The following DSP variants were observed in gnomAD, a reference collection of about 807,000 sequenced individuals.
DSP encodes the protein 250/210 kDa paraneoplastic pemphigus antigen.
Under a neutral mutation model 290.6 loss-of-function variants are expected in DSP, and 114 were observed. The observed-to-expected ratio is 0.39, with a 90% CI of 0.34 to 0.46. The LOEUF (loss-of-function observed/expected upper bound fraction) is 0.46. Among genes scored for constraint, DSP ranks in the 20% least tolerant of loss-of-function variants. The pLI is 0.99. For missense variants in DSP, 3,230 were observed against 3,495.8 expected (o/e 0.92, Z 1.92); for synonymous variants, 1,311 against 1,316.4 (o/e 1.00, Z 0.09).
Position 7,584,635 on chromosome 6 carries a change from A to G in DSP, c.7373A>G (p.Lys2458Arg). ...EKKKQVQTSQKNTLRKRRVVI... is the reference protein window; with the variant it reads ...EKKKQVQTSQRNTLRKRRVVI... The stretch of plus-strand genomic sequence containing the variant: ...AAGAAACAGGTGCAGACATCACAAA[A>G]GAATACCCTCAGGAAGCGTAGAGTG... Residue 2458 changes from lysine to arginine, a missense_variant, in exon 24 of 24, where the codon AAG becomes AGG. Around this residue, in one of 5 missense-constraint regions of DSP, gnomAD observed 582 missense variants for 555.4 expected, o/e 1.05. Transcript: ENST00000379802. The surrounding 1 kb of genome is among the most constrained non-coding windows in gnomAD (Gnocchi z 6.4). The G allele has an allele frequency of 1.9e-6, 3 of 1,614,194 alleles. No individual in the cohort carries two copies. The highest frequency in any genetic ancestry group is 2.5e-6 in the Non-Finnish European group (3 of 1,180,032).
chr6:7,579,771 A>C lies in DSP; in HGVS notation c.3581A>C (p.Lys1194Thr). 6.2e-7 allele frequency: 1 copy of C among 1,613,970 alleles called. No individual in the cohort carries two copies. The highest frequency in any genetic ancestry group is 8.5e-7 in the Non-Finnish European group (1 of 1,179,924). Residue 1194 changes from lysine (K) to threonine (T), a missense_variant, in exon 23 of 24, where the codon AAG (lysine) becomes ACG (threonine). This residue lies in a region of DSP where 1,714 missense variants were observed against 1,844.5 expected (regional missense o/e 0.93). Coordinates refer to ENST00000379802, the MANE Select transcript of DSP (RefSeq NM_004415.4). This position sits in a 1 kb window ranked among gnomAD's most constrained non-coding sequence, Gnocchi z 4.1. ...RKREYENELA[K>T]VRNHYNEEMS... ...AGAGAATATGAAAATGAGCTGGCAA[A>C]GGTAAGAAACCACTATAATGAGGAG...
intron 1 of DSP, among the ~76,000 whole-genome samples, chr6:7,555,515 C>A (rs1258287084): frequency 6.6e-6 from 1 of 151,998 alleles, no homozygotes. Flanking sequence ...ATAATATATA[C>A]ACACAGATAA....
At chr6:7,554,125 A>ACACACACACACACACACACC (rs772041102) in intron 1 of DSP, among the ~76,000 whole-genome samples, 1,748 of 144,018 alleles carry the variant, frequency 0.012, 24 homozygotes, top group African/African-American at 0.016. Context: ...ACACACACAC[A>ACACACACACACACACACACC]CCCAGTTGGT....
chr6:7,565,629 A>G lies in DSP; in HGVS notation c.939+109A>G. The G allele has an allele frequency of 7.1e-7, 1 of 1,415,378 alleles. No homozygotes were observed. The highest frequency in any genetic ancestry group is 9.8e-7 in the Non-Finnish European group (1 of 1,017,118). The allele number at this position is 1,415,378 out of a possible 1,614,324, so 87.7% of individuals were successfully genotyped here. On this transcript the variant is annotated intron_variant, in intron 7 of 23. Transcript: ENST00000379802. This position sits in a 1 kb window ranked among gnomAD's most constrained non-coding sequence, Gnocchi z 4.2. Reference sequence around the variant, plus strand: ...TTAATAATTTAATCAGCCACTTGCAATTCAGCCTTCTTTGAAATGGTCGTG... The same window carrying G: ...TTAATAATTTAATCAGCCACTTGCAGTTCAGCCTTCTTTGAAATGGTCGTG...
At chr6:7,543,446 GTTCT>G (rs2113633772) in intron 1 of DSP, among the ~76,000 whole-genome samples, 1 of 121,112 alleles carries the variant, frequency 8.3e-6, no homozygotes, top group African/African-American at 3.1e-5. Context: ...CAATCTTGGA[GTTCT>G]TTGTTTCCTG....
Position 7,559,706 on chromosome 6 carries a change from G to A in DSP, c.597+306G>A, listed in dbSNP as rs75575528. 0.012 allele frequency among the ~76,000 whole-genome samples: 1,897 copies of A among 152,114 alleles called. 34 individuals carry two copies. Among genetic ancestry groups the A allele is most frequent in the African/African-American group, 0.041 (1,700 of 41,524 alleles). On this transcript the variant is annotated intron_variant, in intron 4 of 23. Transcript: ENST00000379802. ...ATATCCAGTTCTTATATTGACCACC[G>A]GAAAGATCTGTTGTGGGAGTTTATG...
In DSP at chr6:7,586,301, G is replaced by T. The variant is rs1409231812; in HGVS notation, c.*423G>T. On this transcript the variant is annotated 3_prime_UTR_variant, in exon 24 of 24. Coordinates refer to ENST00000379802, the MANE Select transcript of DSP (RefSeq NM_004415.4). Reference sequence around the variant, plus strand: ...AATATTTCCATATTCTGTATTAGGAGAAAATTACCCTCCCAGCACCAGCCC... The same window carrying T: ...AATATTTCCATATTCTGTATTAGGATAAAATTACCCTCCCAGCACCAGCCC... 5.5e-6 allele frequency: 1 copy of T among 180,462 alleles called. No homozygotes were observed. Among genetic ancestry groups the T allele is most frequent in the African/African-American group, 2.4e-5 (1 of 41,564 alleles). 11.2% of individuals were successfully genotyped at this position (180,462 alleles called of 1,614,324 possible). A position where few individuals can be genotyped will look rare whatever the true frequency, so the allele number is the denominator to read the frequency against.
chr6:7,560,581 C>T (rs1042945029), intron 4 of DSP, among the ~76,000 whole-genome samples: 3 of 152,142 alleles, frequency 2.0e-5, no homozygotes, highest in African/African-American at 7.2e-5. Context: ...TGAATGTTAT[C>T]GAAGAAAACA....
chr6:7,575,510 C>T (rs1340603748), intron 18 of DSP, 22 bp downstream of exon 18: 1 of 1,613,762 alleles, frequency 6.2e-7, no homozygotes, highest in East Asian at 2.2e-5. Context: ...TCCTCCCGCT[C>T]CTTCCCCATC....
intron 1 of DSP, among the ~76,000 whole-genome samples, chr6:7,552,015 C>G (rs1341708555): frequency 6.6e-6 from 1 of 152,136 alleles, no homozygotes; most frequent in Admixed American, 6.5e-5. Context: ...AGAAGTAGAC[C>G]TTGTTTTAAG....
Position 7,586,453 on chromosome 6 carries a change from A to G in DSP, c.*575A>G, listed in dbSNP as rs1252466343. On this transcript the variant is annotated 3_prime_UTR_variant, in exon 24 of 24. Transcript: ENST00000379802. ...TGGTTTGGTATTAATTTGACTGTGC[A>G]TGACAGCGGCAATCTTTTCTTTGGT... 3 of 152,464 alleles carry G rather than the reference A, an allele frequency of 2.0e-5. No individual in the cohort carries two copies. The highest frequency in any genetic ancestry group is 3.9e-4 in the East Asian group (2 of 5,192). The allele number at this position is 152,464 out of a possible 1,614,324, so 9.4% of individuals were successfully genotyped here. A position where few individuals can be genotyped will look rare whatever the true frequency, so the allele number is the denominator to read the frequency against.
At chr6:7,542,511 T>G (rs991229525) in intron 1 of DSP, among the ~76,000 whole-genome samples, 2 of 152,166 alleles carry the variant, frequency 1.3e-5, no homozygotes, top group African/African-American at 4.8e-5. Flanking sequence ...CCCGGTCCTG[T>G]CTGGTGGCCG....
rs376983987 is a variant in DSP at position 7,568,583 on chromosome 6, A to G, written c.1413A>G (p.Gln471=). The change falls in exon 11 of 24, where the codon CAA becomes CAG. Residue 471 remains glutamine (Q), a synonymous_variant. Transcript: ENST00000379802. Reference sequence around the variant, plus strand: ...TCAGAGCTCTCTGTGACTACAAACAAGATCAGGTGTGTACTCATTTAGAAT... The same window carrying G: ...TCAGAGCTCTCTGTGACTACAAACAGGATCAGGTGTGTACTCATTTAGAAT... ...IILRALCDYK[Q]DQKIVHKGDE... is the part of the protein sequence containing the mutation. 4.2e-5 allele frequency: 68 copies of G among 1,613,800 alleles called. No homozygotes were observed. The highest frequency in any genetic ancestry group is 5.3e-5 in the Non-Finnish European group (63 of 1,180,016).
Position 7,585,758 on chromosome 6 carries a change from A to C in DSP, c.8496A>C (p.Gly2832=), listed in dbSNP as rs760011967. The C allele has an allele frequency of 1.3e-5, 21 of 1,607,996 alleles. 1 individual carries two copies. In the South Asian group the frequency reaches 2.2e-4, roughly 17 times the overall value. Residue 2832 remains glycine, a synonymous_variant, in exon 24 of 24, where the codon GGA becomes GGC. Coordinates refer to ENST00000379802, the MANE Select transcript of DSP (RefSeq NM_004415.4). ...GGTCCCGCTCCGGCTCCCGCTCGGG[A>C]TCTCGCTCCGGATCTCGCTCCGGGT... ...APGSRSGSRS[G]SRSGSRSGSR... is the part of the protein sequence containing the mutation.
chr6:7,542,056 G>C lies in DSP; in HGVS notation c.141G>C (p.Val47=), dbSNP rs2113629091. 1 of 1,570,432 alleles carries C rather than the reference G, an allele frequency of 6.4e-7. No homozygotes were observed. Among genetic ancestry groups the C allele is most frequent in the Middle Eastern group, 1.7e-4 (1 of 6,016 alleles). The change falls in exon 1 of 24, where the codon GTG becomes GTC. Residue 47 remains valine, a synonymous_variant. Coordinates refer to ENST00000379802, the MANE Select transcript of DSP (RefSeq NM_004415.4). ...TSRMYYSRRG[V]ITDQNSDGYC... is the part of the protein sequence containing the mutation. ...GGATGTACTATTCTCGGCGCGGCGT[G>C]ATCACCGACCAGAACTCGGACGGCT...
In DSP at chr6:7,541,885, C is replaced by T. The variant is rs758419247; in HGVS notation, c.-31C>T. 1.9e-6 allele frequency: 3 copies of T among 1,596,976 alleles called. No homozygotes were observed. The highest frequency in any genetic ancestry group is 1.1e-5 in the South Asian group (1 of 88,584). ...CCGGCCCGCCTCGCTTATGCCTCGG[C>T]GCTGAGCCGCTCTCCCGATTGCCCG... On this transcript the variant is annotated 5_prime_UTR_variant, in exon 1 of 24. Coordinates refer to ENST00000379802, the MANE Select transcript of DSP (RefSeq NM_004415.4).
At position 7,580,979 on chromosome 6, in the gene DSP, G is replaced by C. The variant is rs1259613160; in HGVS notation, c.4789G>C (p.Glu1597Gln). ...DSCKRKKLEEELEGMRRSLKE... is the reference protein window; with the variant it reads ...DSCKRKKLEEQLEGMRRSLKE... ...CTGCAAGAGGAAGAAGCTGGAGGAA[G>C]AGCTGGAAGGCATGAGGAGGTCGCT... is the stretch of plus-strand genomic sequence containing the variant. The change falls in exon 23 of 24, where the codon GAG (glutamate) becomes CAG (glutamine). Residue 1597 changes from glutamate (E) to glutamine (Q), a missense_variant. Physicochemically the swap from Glu to Gln is conservative, Grantham distance 29. Around this residue, in one of 5 missense-constraint regions of DSP, gnomAD observed 1,714 missense variants for 1,844.5 expected, o/e 0.93. Coordinates refer to ENST00000379802, the MANE Select transcript of DSP (RefSeq NM_004415.4). This position sits in a 1 kb window ranked among gnomAD's most constrained non-coding sequence, Gnocchi z 4.2. The C allele has an allele frequency of 6.2e-6, 10 of 1,613,982 alleles. No homozygotes were observed. In the Admixed American group the frequency reaches 1.7e-4, roughly 27 times the overall value.
rs1758601354 is a variant in DSP, at chr6:7,559,254, G to T, written c.451G>T (p.Ala151Ser). 6.2e-7 allele frequency: 1 copy of T among 1,614,004 alleles called. No homozygotes were observed. Among genetic ancestry groups the T allele is most frequent in the Non-Finnish European group, 8.5e-7 (1 of 1,180,028 alleles). Residue 151 changes from alanine (A) to serine (S), a missense_variant, in exon 4 of 24, where the codon GCC becomes TCC. Ala to Ser is a moderately conservative substitution (Grantham distance 99). This residue lies in a region of DSP where 646 missense variants were observed against 684.3 expected (regional missense o/e 0.94). Transcript: ENST00000379802. ...TCTTCAGCTCCAAGAGCAAATGCGA[G>T]CCCTTTATAAAGCCATCAGTGTCCC... is the stretch of plus-strand genomic sequence containing the variant. The part of the protein sequence containing the change: ...RLLQLQEQMR[A>S]LYKAISVPRV...
At position 7,565,559 on chromosome 6, in the gene DSP, G is replaced by T; in HGVS notation, c.939+39G>T. Reference sequence around the variant, plus strand: ...ACGCGGCTGTAGATGCTTGTCTTGAGCCTGTTGCCTTGAAGAGCTGGGGTC... The same window carrying T: ...ACGCGGCTGTAGATGCTTGTCTTGATCCTGTTGCCTTGAAGAGCTGGGGTC... On this transcript the variant is annotated intron_variant, in intron 7 of 23. Transcript: ENST00000379802. The surrounding 1 kb of genome is among the most constrained non-coding windows in gnomAD (Gnocchi z 4.2). The T allele has an allele frequency of 6.2e-7, 1 of 1,613,168 alleles. No individual in the cohort carries two copies. Among genetic ancestry groups the T allele is most frequent in the Non-Finnish European group, 8.5e-7 (1 of 1,179,414 alleles).
Sources: allele counts gnomAD v4.1 joint callset (sites outside exome capture counted in the v4.1 genomes callset), GRCh38; gene constraint gnomAD v4.1.1; regional missense constraint gnomAD v4.1.1; non-coding constraint Gnocchi (gnomAD v3.1); transcripts MANE v1.5; gene names NCBI Gene and HGNC (gene_info 2026-07-23, HGNC 2026-07-21).